Variants in BDP1 observed in about 807,000 individuals in gnomAD.
BDP1 encodes BDP1 general transcription factor IIIB subunit.
BDP1 carries 169 observed loss-of-function variants against 266.6 expected under a neutral mutation model. The ratio of observed to expected loss-of-function variants is 0.63; its 90% confidence interval spans 0.56 to 0.72. The LOEUF is 0.72. Among genes scored for constraint, BDP1 ranks in the 30% least tolerant of loss-of-function variants. The pLI, the probability that BDP1 is intolerant of heterozygous loss-of-function variation, is 0.00. For synonymous variants in BDP1, 1,090 were observed against 1,022.4 expected, an observed-to-expected ratio of 1.07 and a Z score of -1.26; for missense variants, 3,015 against 3,053.8, an observed-to-expected ratio of 0.99 and a Z score of 0.30.
intron 15 of BDP1, among the ~76,000 whole-genome samples, chr5:71,503,543 A>G (rs775548782): frequency 6.6e-6 from 1 of 152,242 alleles, no homozygotes; most frequent in African/African-American, 2.4e-5. Flanking sequence ...CTTAAACAGC[A>G]TAAAGTGTTA....
At chr5:71,493,919 C>T (rs548946893) in intron 11 of BDP1, among the ~76,000 whole-genome samples, 1 of 152,172 alleles carries the variant, frequency 6.6e-6, no homozygotes, top group Non-Finnish European at 1.5e-5. Flanking sequence ...TTACCATATC[C>T]GCTAACTTCC....
At position 71,548,735 on chromosome 5, in the gene BDP1, A is replaced by G. The variant is rs1404257062; in HGVS notation, c.6798A>G (p.Gln2266=). The stretch of plus-strand genomic sequence containing the variant: ...AACAAGAGAATATAATCAATCCTCA[A>G]GACCTAACAGGTATGATAATATGCT... The part of the protein sequence containing the change: ...EVQQENIINP[Q]DLTVNLVANV... The change falls in exon 33 of 39, where the codon CAA becomes CAG. Residue 2266 remains glutamine, a synonymous_variant. Transcript: ENST00000358731. 3 of 1,597,668 alleles carry G rather than the reference A, an allele frequency of 1.9e-6. No homozygotes were observed. The highest frequency in any genetic ancestry group is 2.6e-6 in the Non-Finnish European group (3 of 1,165,406).
chr5:71,500,995 G>T (rs1242744242), intron 13 of BDP1, among the ~76,000 whole-genome samples: 1 of 151,768 alleles, frequency 6.6e-6, no homozygotes, highest in Non-Finnish European at 1.5e-5. Flanking sequence ...TACTCAGGAG[G>T]CTGAGGTGGG....
Position 71,511,130 on chromosome 5 carries a change from T to C in BDP1, c.4038T>C (p.Ala1346=). The change falls in exon 17 of 39, where the codon GCT becomes GCC. Residue 1346 remains alanine, a synonymous_variant. Coordinates refer to ENST00000358731, the MANE Select transcript of BDP1 (RefSeq NM_018429.3). ...AGAGCGGTAGCAATGACTTCAGTGC[T>C]GTGCCTTCACTAGATATTCAGGTAT... ...LMQSGSNDFS[A]VPSLDIQNIS... is the part of the protein sequence containing the mutation. 6.2e-7 allele frequency: 1 copy of C among 1,611,352 alleles called. No homozygotes were observed. The highest frequency in any genetic ancestry group is 8.5e-7 in the Non-Finnish European group (1 of 1,178,910).
intron 27 of BDP1, 66 bp from the exon 28 acceptor site, chr5:71,539,491 T>C: frequency 7.7e-7 from 1 of 1,294,178 alleles, no homozygotes; most frequent in Non-Finnish European, 1.1e-6. Context: ...TAATTAAAAA[T>C]CTTTTTTAAG....
chr5:71,522,300 A>T lies in BDP1; in HGVS notation c.5003A>T (p.Lys1668Ile). ...KTNETIRHEN[K>I]PYVPSSAQMT... ...ATACTTCATTCTAGACATGAAAATA[A>T]ACCGTATGTTCCTAGTTCAGCACAA... Residue 1668 changes from lysine to isoleucine, a missense_variant, in exon 23 of 39, where the codon AAA becomes ATA. Coordinates refer to ENST00000358731, the MANE Select transcript of BDP1 (RefSeq NM_018429.3). The T allele has an allele frequency of 6.2e-7, 1 of 1,612,236 alleles. No homozygotes were observed. Among genetic ancestry groups the T allele is most frequent in the Non-Finnish European group, 8.5e-7 (1 of 1,179,424 alleles).
intron 7 of BDP1, among the ~76,000 whole-genome samples, chr5:71,481,674 C>T (rs1429538841): frequency 6.6e-6 from 1 of 152,168 alleles, no homozygotes; most frequent in Non-Finnish European, 1.5e-5. Flanking sequence ...CAGATCTAGA[C>T]TGGTCTTTAA....
downstream of BDP1, chr5:71,567,875 C>G (rs558297526): frequency 2.0e-5 from 3 of 152,234 alleles, no homozygotes; most frequent in African/African-American, 7.2e-5. Context: ...GGTATCGTGG[C>G]TTACACCTGT....
At chr5:71,513,526 C>A in intron 19 of BDP1, 119 bp downstream of exon 19, 1 of 682,868 alleles carries the variant, frequency 1.5e-6, no homozygotes. Flanking sequence ...ATTTTTGCTG[C>A]ATGTGATATT....
Position 71,513,368 on chromosome 5 carries a change from A to G in BDP1, c.4431A>G (p.Gln1477=), listed in dbSNP as rs1352269949. ...AGAAAATGGAGACTATTGTGATGCA[A>G]GAAAATAATGAACAAACTGATACTC... ...ETKKMETIVM[Q]ENNEQTDTLP... is the part of the protein sequence containing the mutation. Residue 1477 remains glutamine (Q), a synonymous_variant, in exon 19 of 39, where the codon CAA becomes CAG. Coordinates refer to ENST00000358731, the MANE Select transcript of BDP1 (RefSeq NM_018429.3). 5.6e-6 allele frequency: 9 copies of G among 1,597,808 alleles called. No individual in the cohort carries two copies. Among genetic ancestry groups the G allele is most frequent in the Admixed American group, 1.7e-5 (1 of 58,250 alleles).
intron 37 of BDP1, among the ~76,000 whole-genome samples, chr5:71,561,376 G>A (rs1005005779): frequency 3.9e-5 from 6 of 152,210 alleles, no homozygotes; most frequent in Non-Finnish European, 7.3e-5. Flanking sequence ...ACTCCAGCCT[G>A]GGCAACAAGA....
intron 12 of BDP1, among the ~76,000 whole-genome samples, chr5:71,496,587 G>A (rs1429815308): frequency 9.9e-5 from 15 of 151,944 alleles, no homozygotes; most frequent in African/African-American, 3.1e-4. Flanking sequence ...ATAGGTGCTC[G>A]CCACCACATC....
At chr5:71,492,006 G>A (rs1250582413) in intron 11 of BDP1, among the ~76,000 whole-genome samples, 1 of 152,238 alleles carries the variant, frequency 6.6e-6, no homozygotes, top group Admixed American at 6.5e-5. Flanking sequence ...GTGAGTCACA[G>A]CGCCCAGCCT....
At position 71,466,016 on chromosome 5, in the gene BDP1, T is replaced by C. The variant is rs551210448; in HGVS notation, c.660-80T>C. 4.9e-6 allele frequency: 7 copies of C among 1,435,952 alleles called. No individual in the cohort carries two copies. The East Asian group carries it at 1.2e-4, about 24-fold the overall frequency. The allele number at this position is 1,435,952 out of a possible 1,614,324, so 89.0% of individuals were successfully genotyped here. A position where few individuals can be genotyped will look rare whatever the true frequency, so the allele number is the denominator to read the frequency against. ...GGAAATAGCTAGAAGGTTGAGTTTG[T>C]AATCATTTATTTTAAGTTTTATACT... On this transcript the variant is annotated intron_variant, in intron 4 of 38. Transcript: ENST00000358731.
At chr5:71,541,433 G>C in intron 28 of BDP1, 21 bp from the exon 29 acceptor site, 1 of 764,324 alleles carries the variant, frequency 1.3e-6, no homozygotes, top group Admixed American at 3.3e-5. Context: ...TTTTAATTTT[G>C]TTTTTTTTTT....
At chr5:71,517,688 A>G (rs1438995686) in intron 22 of BDP1, among the ~76,000 whole-genome samples, 2 of 152,190 alleles carry the variant, frequency 1.3e-5, no homozygotes, top group African/African-American at 4.8e-5. Context: ...TTTCTCTGAA[A>G]AGTTTGACAA....
chr5:71,460,295 G>A (rs1389971979), intron 2 of BDP1, among the ~76,000 whole-genome samples: 4 of 152,214 alleles, frequency 2.6e-5, no homozygotes, highest in Non-Finnish European at 2.9e-5. Flanking sequence ...CAGGAGAATC[G>A]CTTGAACCTG....
At chr5:71,499,266 A>G (rs1764086622) in intron 13 of BDP1, among the ~76,000 whole-genome samples, 1 of 151,950 alleles carries the variant, frequency 6.6e-6, no homozygotes. Context: ...TGCCCAGCCA[A>G]TTTTTGTATT....
At chr5:71,576,288 C>T in the BDP1 span, among the ~76,000 whole-genome samples, 4 of 152,170 alleles carry the variant, frequency 2.6e-5, no homozygotes, top group Non-Finnish European at 5.9e-5. Flanking sequence ...GCATGGGCTC[C>T]AGGACCCCTA....
Sources: allele counts gnomAD v4.1 joint callset (sites outside exome capture counted in the v4.1 genomes callset), GRCh38; gene constraint gnomAD v4.1.1; transcripts MANE v1.5; gene names NCBI Gene and HGNC (gene_info 2026-07-23, HGNC 2026-07-21).